The following PRDM16 variants were observed in gnomAD, a reference collection of about 807,000 sequenced individuals.
PRDM16 encodes the protein histone-lysine N-methyltransferase PRDM16.
PRDM16 carries 23 observed loss-of-function variants against 110.6 expected under a neutral mutation model. The ratio of observed to expected loss-of-function variants is 0.21; its 90% CI spans 0.15 to 0.29. The LOEUF is 0.29. PRDM16 is among the 10% of genes least tolerant of loss of function. The pLI, the probability that PRDM16 is intolerant of heterozygous loss-of-function variation, is 1.00. For synonymous variants in PRDM16, 799 were observed against 781.8 expected (o/e 1.02, Z -0.37); for missense variants, 1,615 against 1,794.3 (o/e 0.90, Z 1.81).
At chr1:3,288,878 G>A (rs1344597813) in intron 3 of PRDM16, among the ~76,000 whole-genome samples, 2 of 152,180 alleles carry the variant, frequency 1.3e-5, no homozygotes, top group African/African-American at 4.8e-5. Flanking sequence ...GGCCTCCTGG[G>A]TGTTCTCCTC....
chr1:3,089,881 C>G (rs900076895), intron 1 of PRDM16, among the ~76,000 whole-genome samples: 6 of 152,136 alleles, frequency 3.9e-5, no homozygotes, highest in East Asian at 1.9e-4. Flanking sequence ...GAGAAAGCTG[C>G]TCAGAACCAC....
chr1:3,125,754 G>GC (rs1024005274), intron 1 of PRDM16, among the ~76,000 whole-genome samples: 1 of 152,232 alleles, frequency 6.6e-6, no homozygotes, highest in African/African-American at 2.4e-5. Context: ...TGCGCGGGGG[G>GC]CACTGACCCC....
rs1365054032 is a variant in PRDM16, at chr1:3,402,928, G to A, written c.814G>A (p.Gly272Ser). The A allele has an allele frequency of 1.2e-6, 2 of 1,612,720 alleles. No homozygotes were observed. The highest frequency in any genetic ancestry group is 1.7e-6 in the Non-Finnish European group (2 of 1,179,944). The change falls in exon 6 of 17, where the codon GGC becomes AGC. Residue 272 changes from glycine to serine, a missense_variant. This residue lies in a region of PRDM16 where 416 missense variants were observed against 467.1 expected (regional missense o/e 0.89). Transcript: ENST00000270722. ...EGLAEELKPE[G>S]LGGGSGQAHE... ...CCTGGCTGAGGAGCTCAAGCCCGAG[G>A]GCCTTGGCGGTGGCAGCGGCCAAGC...
intron 1 of PRDM16, among the ~76,000 whole-genome samples, chr1:3,173,729 G>A (rs78580116): frequency 0.052 from 7,981 of 152,316 alleles, 228 homozygotes; most frequent in Admixed American, 0.072. Context: ...CTTCAGGGCC[G>A]GCCCCTGGTG....
intron 8 of PRDM16, among the ~76,000 whole-genome samples, chr1:3,409,771 TTGTGTGTG>T (rs1463133399): frequency 2.5e-5 from 3 of 121,526 alleles, no homozygotes; most frequent in Non-Finnish European, 5.1e-5. Flanking sequence ...GTGTGTGTGG[TTGTGTGTG>T]GGTGTGTGGT....
intron 3 of PRDM16, among the ~76,000 whole-genome samples, chr1:3,276,641 T>A (rs781159286): frequency 3.9e-5 from 1 of 25,848 alleles, no homozygotes; most frequent in African/African-American, 1.6e-4. Flanking sequence ...CTTGGCAGCA[T>A]GTTCAGCTCG....
chr1:3,264,318 G>A lies in PRDM16; in HGVS notation c.438+20181G>A, dbSNP rs553496962. On this transcript the variant is annotated intron_variant, in intron 3 of 16. Coordinates refer to ENST00000270722, the MANE Select transcript of PRDM16 (RefSeq NM_022114.4). ...AGGTGGAGGGAGCAGCATATCCAAG[G>A]ACCCCGGGCCAGAAGGGAGGCAGGG... Among the ~76,000 whole-genome samples, 3 of 152,152 alleles carry A rather than the reference G, an allele frequency of 2.0e-5. No individual in the cohort carries two copies. In the South Asian group the frequency reaches 6.3e-4, roughly 32 times the overall value.
At chr1:3,424,463 G>A (rs1638534351) in intron 12 of PRDM16, among the ~76,000 whole-genome samples, 2 of 152,228 alleles carry the variant, frequency 1.3e-5, no homozygotes, top group Admixed American at 1.3e-4. Context: ...GATAAACTCA[G>A]GGTGTTAGAG....
Position 3,190,485 on chromosome 1 carries a change from T to G in PRDM16, c.387+4011T>G, listed in dbSNP as rs1638273369. Among the ~76,000 whole-genome samples, 1 of 152,158 alleles carries G rather than the reference T, an allele frequency of 6.6e-6. No individual in the cohort carries two copies. Among genetic ancestry groups the G allele is most frequent in the Non-Finnish European group, 1.5e-5 (1 of 68,034 alleles). ...GGAATAGTCGCTGACTAAACCCGCT[T>G]TGTTCCTGGGTGCTGCGAGGCATCC... On this transcript the variant is annotated intron_variant, in intron 2 of 16. Transcript: ENST00000270722. The surrounding 1 kb of genome is among the most constrained non-coding windows in gnomAD (Gnocchi z 5.0).
chr1:3,125,458 G>A (rs1264219570), intron 1 of PRDM16, among the ~76,000 whole-genome samples: 4 of 152,220 alleles, frequency 2.6e-5, no homozygotes, highest in South Asian at 4.1e-4. Context: ...GGAAACTGAG[G>A]CCCCCCACTC....
rs553660790 is a variant in PRDM16 at position 3,119,769 on chromosome 1, G to A, written c.37+50473G>A. On this transcript the variant is annotated intron_variant, in intron 1 of 16. Coordinates refer to ENST00000270722, the MANE Select transcript of PRDM16 (RefSeq NM_022114.4). ...CCTTTTTCTTCACGTAAGCGGTGGA[G>A]TTAAGTGTTTGGAATTGCTGCAGAC... Among the ~76,000 whole-genome samples the A allele has an allele frequency of 3.9e-5, 6 of 152,362 alleles. No individual in the cohort carries two copies. In the South Asian group the frequency reaches 1.2e-3, roughly 32 times the overall value.
At chr1:3,415,882 C>T (rs982810734) in intron 10 of PRDM16, among the ~76,000 whole-genome samples, 11 of 152,362 alleles carry the variant, frequency 7.2e-5, no homozygotes, top group Admixed American at 4.6e-4. Flanking sequence ...CTAAAGACCT[C>T]GACAAAGCCC....
intron 3 of PRDM16, among the ~76,000 whole-genome samples, chr1:3,356,363 T>C (rs1049581974): frequency 1.3e-5 from 2 of 152,152 alleles, no homozygotes; most frequent in Non-Finnish European, 2.9e-5. Flanking sequence ...GCTCAGGACG[T>C]GCGGCTGCCG....
rs149224241 is a variant in PRDM16 at position 3,269,955 on chromosome 1, ACAGT to A, written c.438+25822_438+25825del. 0.014 allele frequency among the ~76,000 whole-genome samples: 2,058 copies of A among 148,564 alleles called. 123 individuals carry two copies. In the East Asian group the frequency reaches 0.18, roughly 13 times the overall value. ...CGGGAGGAGGACAGTCAGGAGGAGG[ACAGT>A]CAGAAGGAGGACAGTTCCAGAGGAG... On this transcript the variant is annotated intron_variant, in intron 3 of 16. Transcript: ENST00000270722.
At chr1:3,097,685 C>T (rs1642436688) in intron 1 of PRDM16, among the ~76,000 whole-genome samples, 1 of 152,222 alleles carries the variant, frequency 6.6e-6, no homozygotes, top group African/African-American at 2.4e-5. Context: ...AGCTGTTCTT[C>T]CTACCATGGA....
chr1:3,241,696 G>A (rs149778782), intron 2 of PRDM16, among the ~76,000 whole-genome samples: 9 of 152,254 alleles, frequency 5.9e-5, no homozygotes, highest in African/African-American at 1.4e-4. Flanking sequence ...ATGGCGTGAC[G>A]GATGGGTTTA....
intron 5 of PRDM16, among the ~76,000 whole-genome samples, chr1:3,399,254 G>A (rs7542793): frequency 0.27 from 40,346 of 152,222 alleles, 6,571 homozygotes; most frequent in East Asian, 0.6. Flanking sequence ...GAGGCAGTGC[G>A]TGGAGGACAG....
At chr1:3,262,518 C>A (rs1640184882) in intron 3 of PRDM16, among the ~76,000 whole-genome samples, 2 of 152,220 alleles carry the variant, frequency 1.3e-5, no homozygotes, top group South Asian at 4.1e-4. Flanking sequence ...TTGGCCAGAG[C>A]CCCTCCCTCT....
At chr1:3,242,768 A>G (rs1639704461) in intron 2 of PRDM16, among the ~76,000 whole-genome samples, 1 of 152,228 alleles carries the variant, frequency 6.6e-6, no homozygotes, top group Non-Finnish European at 1.5e-5. Flanking sequence ...TAAAGCCATC[A>G]TGTAATATTA....
Sources: gnomAD v4.1 joint callset for allele counts (sites outside exome capture counted in the v4.1 genomes callset) on GRCh38, gnomAD v4.1.1 for gene constraint, gnomAD v4.1.1 regional missense constraint, Gnocchi (gnomAD v3.1) non-coding constraint, MANE v1.5 for transcripts, NCBI Gene and HGNC (gene_info 2026-07-23, HGNC 2026-07-21) for gene names.